Variants in RABGAP1L observed in about 807,000 individuals in gnomAD.
The protein encoded by RABGAP1L is RAB GTPase activating protein 1 like, also known as rab GTPase-activating protein 1-like.
A neutral mutation model predicts 137.7 loss-of-function variants in RABGAP1L; 63 were observed. The observed-to-expected ratio is 0.46, with a 90% CI of 0.37 to 0.56. The LOEUF is 0.56. RABGAP1L is among the 20% of genes least tolerant of loss of function. RABGAP1L has a pLI of 0.00. For synonymous variants in RABGAP1L, 431 were observed against 433.7 expected (o/e 0.99, Z 0.08); for missense variants, 1,095 against 1,244.0 (o/e 0.88, Z 1.80).
rs554587528 is a variant in RABGAP1L, at chr1:174,731,435, G to A, written c.2170-20878G>A. On this transcript the variant is annotated intron_variant, in intron 17 of 25. Transcript: ENST00000681986. Reference sequence around the variant, plus strand: ...TTTCTAGAAAAGGAACTTACCCAGTGTACTTTGATAACTTTTTCTTGATTT... The same window carrying A: ...TTTCTAGAAAAGGAACTTACCCAGTATACTTTGATAACTTTTTCTTGATTT... Among the ~76,000 whole-genome samples the A allele has an allele frequency of 5.3e-5, 8 of 152,270 alleles. No individual in the cohort carries two copies. In the East Asian group the frequency reaches 1.2e-3, roughly 22 times the overall value.
intron 18 of RABGAP1L, among the ~76,000 whole-genome samples, chr1:174,799,498 G>A (rs1688535131): frequency 6.6e-6 from 1 of 152,130 alleles, no homozygotes; most frequent in Admixed American, 6.5e-5. Context: ...ATGACTGGCT[G>A]TCTGATTTTT....
At chr1:174,387,739 A>T (rs1021960974) in intron 12 of RABGAP1L, among the ~76,000 whole-genome samples, 1 of 151,920 alleles carries the variant, frequency 6.6e-6, no homozygotes, top group East Asian at 1.9e-4. Context: ...TTCAGTGTAC[A>T]TTTTTTTCAG....
chr1:174,412,669 C>G (rs113872292), intron 13 of RABGAP1L, among the ~76,000 whole-genome samples: 1 of 152,024 alleles, frequency 6.6e-6, no homozygotes, highest in Non-Finnish European at 1.5e-5. Context: ...GTAATGAATT[C>G]CCTTAGCACT....
intron 13 of RABGAP1L, among the ~76,000 whole-genome samples, chr1:174,419,316 A>G (rs1373803702): frequency 6.6e-6 from 1 of 152,218 alleles, no homozygotes; most frequent in African/African-American, 2.4e-5. Context: ...CGAACAAGCT[A>G]TCAGGCAATG....
intron 19 of RABGAP1L, among the ~76,000 whole-genome samples, chr1:174,952,510 C>A (rs1667880630): frequency 1.3e-5 from 2 of 151,302 alleles, no homozygotes. Context: ...GACCCTGTCT[C>A]TTAAAAAAAA....
chr1:174,702,190 C>A lies in RABGAP1L; in HGVS notation c.2103C>A (p.Leu701=), dbSNP rs779952960. 6.2e-7 allele frequency: 1 copy of A among 1,612,572 alleles called. No individual in the cohort carries two copies. The highest frequency in any genetic ancestry group is 8.5e-7 in the Non-Finnish European group (1 of 1,179,116). The change falls in exon 17 of 26, where the codon CTC becomes CTA. Residue 701 remains leucine (L), a synonymous_variant. Transcript: ENST00000681986. ...EAHMYASQWF[L]TLFTAKFPLC... ...ATATGTATGCATCCCAGTGGTTTCT[C>A]ACTCTTTTTACTGCCAAGTTCCCAC...
intron 19 of RABGAP1L, among the ~76,000 whole-genome samples, chr1:174,949,306 A>G (rs1341959655): frequency 6.6e-6 from 1 of 152,280 alleles, no homozygotes; most frequent in Non-Finnish European, 1.5e-5. Flanking sequence ...GATTTAGTAC[A>G]GCAACTATGA....
intron 14 of RABGAP1L, among the ~76,000 whole-genome samples, chr1:174,659,711 T>C (rs754743529): frequency 4.6e-5 from 7 of 152,238 alleles, no homozygotes; most frequent in African/African-American, 7.2e-5. Context: ...ATATATTCAA[T>C]TGCCTATTTG....
chr1:174,534,496 G>A (rs1425316155), intron 13 of RABGAP1L, among the ~76,000 whole-genome samples: 1 of 151,926 alleles, frequency 6.6e-6, no homozygotes. Flanking sequence ...ACTAGAGCAG[G>A]CCAGGCAAGG....
chr1:174,363,536 A>C (rs1049132545), intron 11 of RABGAP1L, among the ~76,000 whole-genome samples: 7 of 151,664 alleles, frequency 4.6e-5, no homozygotes, highest in Admixed American at 2.0e-4. Context: ...AATGTCCTTT[A>C]TTTCTTTCTC....
chr1:174,828,602 C>G lies in RABGAP1L; in HGVS notation c.2340+16642C>G, dbSNP rs371607276. On this transcript the variant is annotated intron_variant, in intron 19 of 25. Coordinates refer to ENST00000681986, the MANE Select transcript of RABGAP1L (RefSeq NM_001366446.1). The stretch of plus-strand genomic sequence containing the variant: ...GATCTCCTTCGAGTATGAGTTTCCT[C>G]ATCGTGAAACAAGGCTAATACCTAC... 1.8e-3 allele frequency among the ~76,000 whole-genome samples: 273 copies of G among 148,606 alleles called. 26 individuals are homozygous for G. Among genetic ancestry groups the G allele is most frequent in the South Asian group, 9.7e-3 (44 of 4,540 alleles).
chr1:174,439,715 G>A (rs1653903803), intron 13 of RABGAP1L, among the ~76,000 whole-genome samples: 2 of 152,132 alleles, frequency 1.3e-5, no homozygotes, highest in South Asian at 2.1e-4. Context: ...CACATAGACT[G>A]GGTGTTAGTG....
chr1:174,913,296 A>C (rs145313575), intron 19 of RABGAP1L, among the ~76,000 whole-genome samples: 1 of 152,212 alleles, frequency 6.6e-6, no homozygotes, highest in Non-Finnish European at 1.5e-5. Context: ...TATTTCTAAG[A>C]GCTATATAAT....
chr1:174,666,887 A>G (rs79978602), intron 14 of RABGAP1L, among the ~76,000 whole-genome samples: 7,213 of 151,816 alleles, frequency 0.048, 278 homozygotes, highest in Non-Finnish European at 0.075. Context: ...GAGCAGTAGT[A>G]GTCATTGTGT....
chr1:174,916,611 GTCTT>G (rs1660926232), intron 19 of RABGAP1L, among the ~76,000 whole-genome samples: 1 of 152,158 alleles, frequency 6.6e-6, no homozygotes, highest in South Asian at 2.1e-4. Context: ...CTTCATTTTT[GTCTT>G]TTAGTGTCAG....
At chr1:174,896,827 G>A (rs1241918180) in intron 19 of RABGAP1L, 1 of 152,180 alleles carries the variant, frequency 6.6e-6, no homozygotes, top group African/African-American at 2.4e-5. Flanking sequence ...GTACCGTGCT[G>A]TTTTGGTTAC....
At chr1:174,786,761 G>T in intron 18 of RABGAP1L, among the ~76,000 whole-genome samples, 1 of 151,954 alleles carries the variant, frequency 6.6e-6, no homozygotes, top group East Asian at 1.9e-4. Context: ...TACTAATTTA[G>T]ACATTAAATA....
intron 19 of RABGAP1L, among the ~76,000 whole-genome samples, chr1:174,902,278 A>G (rs1658272391): frequency 6.6e-6 from 1 of 152,172 alleles, no homozygotes; most frequent in African/African-American, 2.4e-5. Context: ...TAGCTGGCAG[A>G]CTAGAGCAGC....
At chr1:174,786,834 TATTTTA>T (rs1380412703) in intron 18 of RABGAP1L, among the ~76,000 whole-genome samples, 22 of 152,220 alleles carry the variant, frequency 1.4e-4, no homozygotes, top group Admixed American at 1.4e-3. Flanking sequence ...GTTAAGCTGA[TATTTTA>T]ATTTTATTTC....
Sources: gnomAD v4.1 joint callset for allele counts (sites outside exome capture counted in the v4.1 genomes callset) on GRCh38, gnomAD v4.1.1 for gene constraint, MANE v1.5 for transcripts, NCBI Gene and HGNC (gene_info 2026-07-23, HGNC 2026-07-21) for gene names.